The following SLC4A10 variants were observed in gnomAD, a reference collection of about 807,000 sequenced individuals.
SLC4A10 encodes the protein sodium-driven chloride bicarbonate exchanger.
Under a neutral mutation model 137.7 loss-of-function variants are expected in SLC4A10, and 42 were observed. The ratio of observed to expected loss-of-function variants is 0.30; its 90% confidence interval spans 0.24 to 0.39. SLC4A10 has a LOEUF of 0.39. Ranked by LOEUF, SLC4A10 falls within the 10% of genes least tolerant of loss-of-function variation. The pLI, the probability that SLC4A10 is intolerant of heterozygous loss-of-function variation, is 1.00. For missense variants in SLC4A10, 925 were observed against 1,355.0 expected (o/e 0.68, Z 4.98); for synonymous variants, 474 against 464.1 (o/e 1.02, Z -0.27).
intron 1 of SLC4A10, among the ~76,000 whole-genome samples, chr2:161,745,555 T>C (rs1348338619): frequency 1.3e-5 from 2 of 152,198 alleles, no homozygotes; most frequent in African/African-American, 2.4e-5. Context: ...CACTCTGGAA[T>C]TGGTCACTGG....
chr2:161,683,569 T>C (rs554535311), intron 1 of SLC4A10, among the ~76,000 whole-genome samples: 1 of 152,208 alleles, frequency 6.6e-6, no homozygotes, highest in Non-Finnish European at 1.5e-5. Context: ...TTGCTTATTC[T>C]GTTCTTTTGT....
At chr2:161,899,168 AAGAG>A (rs2063831421) in intron 11 of SLC4A10, among the ~76,000 whole-genome samples, 1 of 152,046 alleles carries the variant, frequency 6.6e-6, no homozygotes, top group Non-Finnish European at 1.5e-5. Context: ...ACATCTACTC[AAGAG>A]CACAACTCTA....
chr2:161,645,500 C>T (rs1296857139), intron 1 of SLC4A10, among the ~76,000 whole-genome samples: 1 of 151,754 alleles, frequency 6.6e-6, no homozygotes, highest in East Asian at 1.9e-4. Flanking sequence ...CAGTTTTCCC[C>T]AAGTGAATTA....
At position 161,675,268 on chromosome 2, in the gene SLC4A10, A is replaced by T. The variant is rs73020062; in HGVS notation, c.48+50702A>T. On this transcript the variant is annotated intron_variant, in intron 1 of 26. Transcript: ENST00000446997. ...GAGTTTCCTGCCACTCTGCTTTTGT[A>T]TTTTATTCTCCAAAGATGCCACGGA... Among the ~76,000 whole-genome samples the T allele has an allele frequency of 6.6e-3, 1,008 of 152,138 alleles. 11 individuals are homozygous for T. Among genetic ancestry groups the T allele is most frequent in the African/African-American group, 0.023 (960 of 41,502 alleles).
chr2:161,907,366 C>G (rs1333040225), intron 15 of SLC4A10, among the ~76,000 whole-genome samples: 1 of 152,136 alleles, frequency 6.6e-6, no homozygotes, highest in African/African-American at 2.4e-5. Flanking sequence ...TTTCATTTAT[C>G]CTTACCTGAA....
At chr2:161,760,953 G>A (rs2050194909) in intron 1 of SLC4A10, among the ~76,000 whole-genome samples, 1 of 151,672 alleles carries the variant, frequency 6.6e-6, no homozygotes, top group Non-Finnish European at 1.5e-5. Context: ...CACACACGCA[G>A]CCACATTCCT....
At chr2:161,701,654 A>G (rs1168892080) in intron 1 of SLC4A10, among the ~76,000 whole-genome samples, 1 of 151,928 alleles carries the variant, frequency 6.6e-6, no homozygotes, top group East Asian at 1.9e-4. Flanking sequence ...CTACTATAAC[A>G]GTGAATACTA....
Position 161,699,985 on chromosome 2 carries a change from A to C in SLC4A10, c.49-70988A>C, listed in dbSNP as rs556469076. Among the ~76,000 whole-genome samples, 8 of 152,338 alleles carry C rather than the reference A, an allele frequency of 5.3e-5. No homozygotes were observed. In the East Asian group the frequency reaches 1.3e-3, roughly 26 times the overall value. ...TATATTGATAGGGAAACTGAGGTCC[A>C]CAGAAATTTTGTAACTGATAAAATA... is the stretch of plus-strand genomic sequence containing the variant. On this transcript the variant is annotated intron_variant, in intron 1 of 26. Transcript: ENST00000446997.
intron 1 of SLC4A10, among the ~76,000 whole-genome samples, chr2:161,764,602 C>A (rs1261818277): frequency 6.6e-6 from 1 of 152,036 alleles, no homozygotes; most frequent in South Asian, 2.1e-4. Context: ...TTTGTTCAGA[C>A]CATGGGCAAG....
chr2:161,635,772 A>G (rs2034301037), intron 1 of SLC4A10, among the ~76,000 whole-genome samples: 1 of 152,096 alleles, frequency 6.6e-6, no homozygotes, highest in Non-Finnish European at 1.5e-5. Flanking sequence ...GGTTATAGCT[A>G]TGGTGTTGGC....
intron 26 of SLC4A10, among the ~76,000 whole-genome samples, chr2:161,981,435 T>G (rs1700206330): frequency 6.6e-6 from 1 of 152,132 alleles, no homozygotes; most frequent in African/African-American, 2.4e-5. Context: ...CAAAACCAAT[T>G]TTACAGATGA....
At chr2:161,697,881 T>C (rs1171721246) in intron 1 of SLC4A10, among the ~76,000 whole-genome samples, 1 of 152,260 alleles carries the variant, frequency 6.6e-6, no homozygotes, top group East Asian at 1.9e-4. Flanking sequence ...GCATTAAATC[T>C]ATAAATTACC....
At chr2:161,930,503 G>A (rs1031158490) in intron 15 of SLC4A10, among the ~76,000 whole-genome samples, 5 of 150,684 alleles carry the variant, frequency 3.3e-5, no homozygotes, top group Admixed American at 2.6e-4. Flanking sequence ...AAGAAATCCT[G>A]TCCAGTTGTT....
chr2:161,906,211 C>T (rs75957438), intron 15 of SLC4A10, among the ~76,000 whole-genome samples: 3,088 of 152,116 alleles, frequency 0.02, 65 homozygotes, highest in African/African-American at 0.057. Flanking sequence ...TGTTATTTGG[C>T]GTTATTTCAG....
chr2:161,904,427 A>G (rs910768795), intron 13 of SLC4A10, among the ~76,000 whole-genome samples: 11 of 152,016 alleles, frequency 7.2e-5, no homozygotes, highest in Non-Finnish European at 1.0e-4. Context: ...AGCGCCCCCA[A>G]TCCTAAGCTA....
intron 1 of SLC4A10, among the ~76,000 whole-genome samples, chr2:161,658,794 T>A (rs2037908246): frequency 1.3e-5 from 2 of 152,092 alleles, no homozygotes; most frequent in South Asian, 4.1e-4. Context: ...TTTCACCTTT[T>A]TGGCCAGGCT....
At chr2:161,735,657 T>C (rs1376038943) in intron 1 of SLC4A10, among the ~76,000 whole-genome samples, 1 of 149,868 alleles carries the variant, frequency 6.7e-6, no homozygotes, top group Admixed American at 6.6e-5. Flanking sequence ...AGAAGACAGC[T>C]ATGAAGATGA....
At chr2:161,639,877 C>T (rs569599442) in intron 1 of SLC4A10, among the ~76,000 whole-genome samples, 4 of 152,232 alleles carry the variant, frequency 2.6e-5, no homozygotes, top group South Asian at 4.1e-4. Flanking sequence ...AAAAACCCTA[C>T]GCACTTCACC....
At chr2:161,835,877 T>C (rs369646077) in intron 3 of SLC4A10, among the ~76,000 whole-genome samples, 10 of 152,224 alleles carry the variant, frequency 6.6e-5, no homozygotes, top group African/African-American at 1.7e-4. Flanking sequence ...GGGGGATTTA[T>C]TCAGTTTGTT....
Sources: allele counts gnomAD v4.1 joint callset (sites outside exome capture counted in the v4.1 genomes callset), GRCh38; gene constraint gnomAD v4.1.1; transcripts MANE v1.5; gene names NCBI Gene and HGNC (gene_info 2026-07-23, HGNC 2026-07-21).